The following TMEM8B variants were observed in gnomAD, a reference collection of about 807,000 sequenced individuals.
TMEM8B encodes the protein transmembrane protein 8B, also known as nasopharyngeal carcinoma expressed 6.
Under a neutral mutation model 49.3 loss-of-function variants are expected in TMEM8B, and 29 were observed. The ratio of observed to expected loss-of-function variants is 0.59; its 90% CI spans 0.44 to 0.80. The LOEUF (loss-of-function observed/expected upper bound fraction) is 0.80. Among genes scored for constraint, TMEM8B ranks in the 30% least tolerant of loss-of-function variants. The pLI is 0.00. For missense variants in TMEM8B, 575 were observed against 658.5 expected (o/e 0.87, Z 1.39); for synonymous variants, 264 against 272.8 (o/e 0.97, Z 0.32).
Position 35,846,313 on chromosome 9 carries a change from G to T in TMEM8B, c.1785G>T (p.Leu595=). 2.5e-6 allele frequency: 4 copies of T among 1,614,210 alleles called. No homozygotes were observed. The highest frequency in any genetic ancestry group is 3.4e-6 in the Non-Finnish European group (4 of 1,180,048). The change falls in exon 8 of 13, where the codon CTG becomes CTT. Residue 595 remains leucine (L), a synonymous_variant. Transcript: ENST00000643932. The stretch of plus-strand genomic sequence containing the variant: ...GTGCCACCACCAGGGTTGCCAGGCT[G>T]CGAATCCCATTCCCGCAGACGGGGA... ...SVSATTRVAR[L]RIPFPQTGTW...
rs1187330203 is a variant in TMEM8B at position 35,841,321 on chromosome 9, A to T, written c.1040+54A>T. 4.8e-6 allele frequency: 2 copies of T among 416,646 alleles called. No homozygotes were observed. The highest frequency in any genetic ancestry group is 8.8e-6 in the Non-Finnish European group (2 of 227,248). 25.8% of individuals were successfully genotyped at this position (416,646 alleles called of 1,614,324 possible). On this transcript the variant is annotated intron_variant, in intron 4 of 12. Transcript: ENST00000643932. This position sits in a 1 kb window ranked among gnomAD's most constrained non-coding sequence, Gnocchi z 5.9. ...CTTTCCCTCTTCTGTGGCCTCATAC[A>T]GGCTGCAGGGTTCTCTCTTGGCTTC... is the stretch of plus-strand genomic sequence containing the variant.
At position 35,842,579 on chromosome 9, in the gene TMEM8B, C is replaced by T. The variant is rs1051470701; in HGVS notation, c.1497C>T (p.Asp499=). ...PVRPTLRNEL[D]TFSVHFYIFF... is the part of the protein sequence containing the mutation. ...GCCCGACTCTGCGCAACGAGCTGGACACCTTCTCTGTCCACTTCTACATCT... is the reference window on the plus strand; with the variant it reads ...GCCCGACTCTGCGCAACGAGCTGGATACCTTCTCTGTCCACTTCTACATCT... Residue 499 remains aspartate (D), a synonymous_variant, in exon 6 of 13, where the codon GAC becomes GAT. Coordinates refer to ENST00000643932, the MANE Select transcript of TMEM8B (RefSeq NM_001042590.4). The surrounding 1 kb of genome is among the most constrained non-coding windows in gnomAD (Gnocchi z 5.6). The T allele has an allele frequency of 1.9e-6, 3 of 1,614,242 alleles. No individual in the cohort carries two copies. The highest frequency in any genetic ancestry group is 2.5e-6 in the Non-Finnish European group (3 of 1,180,044).
intron 10 of TMEM8B, among the ~76,000 whole-genome samples, chr9:35,851,653 A>G (rs759480960): frequency 7.9e-5 from 12 of 152,188 alleles, no homozygotes; most frequent in Non-Finnish European, 1.6e-4. Context: ...TTTACCTCCA[A>G]AGTGAAGGAA....
chr9:35,841,547 T>G lies in TMEM8B; in HGVS notation c.1062T>G (p.Thr354=), dbSNP rs1009178867. The part of the protein sequence containing the change: ...ALYKVFVPSF[T]YRVSAQLVCV... ...CCAGGGTCTTTGTGCCCAGCTTCACTTACAGGGTTTCAGCACAGCTGGTGT... is the reference window on the plus strand; with the variant it reads ...CCAGGGTCTTTGTGCCCAGCTTCACGTACAGGGTTTCAGCACAGCTGGTGT... The change falls in exon 5 of 13, where the codon ACT becomes ACG. Residue 354 remains threonine, a synonymous_variant. Coordinates refer to ENST00000643932, the MANE Select transcript of TMEM8B (RefSeq NM_001042590.4). The surrounding 1 kb of genome is among the most constrained non-coding windows in gnomAD (Gnocchi z 5.9). 2 of 416,960 alleles carry G rather than the reference T, an allele frequency of 4.8e-6. No homozygotes were observed. Among genetic ancestry groups the G allele is most frequent in the African/African-American group, 4.1e-5 (2 of 48,716 alleles). 25.8% of individuals were successfully genotyped at this position (416,960 alleles called of 1,614,324 possible).
chr9:35,842,503 C>T lies in TMEM8B; in HGVS notation c.1421C>T (p.Pro474Leu), dbSNP rs774058946. The change falls in exon 6 of 13, where the codon CCT (proline) becomes CTT (leucine). Residue 474 changes from proline to leucine, a missense_variant. Pro to Leu is a moderately conservative substitution (Grantham distance 98). Coordinates refer to ENST00000643932, the MANE Select transcript of TMEM8B (RefSeq NM_001042590.4). The surrounding 1 kb of genome is among the most constrained non-coding windows in gnomAD (Gnocchi z 5.6). The stretch of plus-strand genomic sequence containing the variant: ...CCAGAACCGCCATCCCTTGGAACCC[C>T]TGCGGAGGGGCCTGGGACCACGTCC... ...LPPEPPSLGT[P>L]AEGPGTTSPP... The T allele has an allele frequency of 6.2e-7, 1 of 1,611,356 alleles. No individual in the cohort carries two copies. Among genetic ancestry groups the T allele is most frequent in the African/African-American group, 1.3e-5 (1 of 74,910 alleles).
Position 35,863,720 on chromosome 9 carries a change from G to A in TMEM8B, c.*9880G>A, listed in dbSNP as rs975126487. ...CTGTGGGACGTCACCAGTTGTTATG[G>A]CTGGGGAAGGACACACTGGAGGCTC... is the stretch of plus-strand genomic sequence containing the variant. On this transcript the variant is annotated 3_prime_UTR_variant, in exon 13 of 13. Transcript: ENST00000643932. The A allele has an allele frequency of 6.6e-6, 1 of 152,226 alleles. No homozygotes were observed. The highest frequency in any genetic ancestry group is 1.5e-5 in the Non-Finnish European group (1 of 68,062). The allele number at this position is 152,226 out of a possible 1,614,324, so 9.4% of individuals were successfully genotyped here.
chr9:35,848,069 G>A (rs1434723638), intron 10 of TMEM8B, among the ~76,000 whole-genome samples: 1 of 152,202 alleles, frequency 6.6e-6, no homozygotes, highest in Non-Finnish European at 1.5e-5. Context: ...GCATTACTAG[G>A]TCAGACATAT....
Position 35,853,227 on chromosome 9 carries a change from C to T in TMEM8B, c.2409C>T (p.Leu803=), listed in dbSNP as rs1832314095. 1.2e-6 allele frequency: 2 copies of T among 1,613,974 alleles called. No homozygotes were observed. The highest frequency in any genetic ancestry group is 2.2e-5 in the East Asian group (1 of 44,892). ...TCTGGAACCTGCTTGGACCCAGTCT[C>T]TTCGCCCTGGGGATCTTGGCCACAG... is the stretch of plus-strand genomic sequence containing the variant. ...HGLWNLLGPS[L]FALGILATAW... Residue 803 remains leucine (L), a synonymous_variant, in exon 12 of 13, where the codon CTC becomes CTT. Transcript: ENST00000643932. This position sits in a 1 kb window ranked among gnomAD's most constrained non-coding sequence, Gnocchi z 4.2.
intron 6 of TMEM8B, among the ~76,000 whole-genome samples, chr9:35,843,728 T>C (rs1005313752): frequency 2.6e-5 from 4 of 152,202 alleles, no homozygotes; most frequent in Non-Finnish European, 5.9e-5. Context: ...ATAAAAACTT[T>C]GGAAAATAGG....
At chr9:35,835,674 T>A (rs1830380557) in intron 3 of TMEM8B, among the ~76,000 whole-genome samples, 1 of 152,224 alleles carries the variant, frequency 6.6e-6, no homozygotes, top group South Asian at 2.1e-4. Flanking sequence ...GGAGAATGTA[T>A]TCCTCTTGCA....
Position 35,854,083 on chromosome 9 carries a change from TC to T in TMEM8B, c.*246del. 8.2e-7 allele frequency: 1 copy of T among 1,223,882 alleles called. No individual in the cohort carries two copies. The highest frequency in any genetic ancestry group is 1.0e-6 in the Non-Finnish European group (1 of 974,640). 75.8% of individuals were successfully genotyped at this position (1,223,882 alleles called of 1,614,324 possible). ...GACTGGAGCCTATGCAGGCACAGAGTCCCTCAGGACCAAGGAGTCCCTCCTG... is the reference window on the plus strand; with the variant it reads ...GACTGGAGCCTATGCAGGCACAGAGTCCTCAGGACCAAGGAGTCCCTCCTG... On this transcript the variant is annotated 3_prime_UTR_variant, in exon 13 of 13. Coordinates refer to ENST00000643932, the MANE Select transcript of TMEM8B (RefSeq NM_001042590.4).
chr9:35,846,526 A>G lies in TMEM8B; in HGVS notation c.1911A>G (p.Pro637=), dbSNP rs751666201. The part of the protein sequence containing the change: ...AEVRMRTFLS[P]CVDDCGPYGQ... The stretch of plus-strand genomic sequence containing the variant: ...TGCGGATGCGCACCTTCCTGTCCCC[A>G]TGCGTGGACGACTGCGGGCCCTACG... Residue 637 remains proline, a synonymous_variant, in exon 9 of 13, where the codon CCA becomes CCG. Coordinates refer to ENST00000643932, the MANE Select transcript of TMEM8B (RefSeq NM_001042590.4). 2.5e-6 allele frequency: 4 copies of G among 1,588,200 alleles called. No individual in the cohort carries two copies. The highest frequency in any genetic ancestry group is 2.6e-6 in the Non-Finnish European group (3 of 1,167,252).
At chr9:35,852,055 C>G (rs577620964) in intron 10 of TMEM8B, among the ~76,000 whole-genome samples, 1 of 152,294 alleles carries the variant, frequency 6.6e-6, no homozygotes, top group East Asian at 1.9e-4. Flanking sequence ...ACAATCTGGA[C>G]ATGGGTTGGA....
chr9:35,840,848 G>A (rs1299409887), intron 3 of TMEM8B, among the ~76,000 whole-genome samples: 1 of 152,152 alleles, frequency 6.6e-6, no homozygotes, highest in African/African-American at 2.4e-5. Context: ...ATTGGGAGAA[G>A]GGGCAAGCCA....
Position 35,835,264 on chromosome 9 carries a change from A to G in TMEM8B, c.906+46A>G, listed in dbSNP as rs111712280. On this transcript the variant is annotated intron_variant, in intron 3 of 12. Coordinates refer to ENST00000643932, the MANE Select transcript of TMEM8B (RefSeq NM_001042590.4). Reference sequence around the variant, plus strand: ...CTCGGGGGTCCAGAACTGCCCTTCCATCTCTGCTGAATTCCCCCCACAGGC... The same window carrying G: ...CTCGGGGGTCCAGAACTGCCCTTCCGTCTCTGCTGAATTCCCCCCACAGGC... 9.7e-5 allele frequency: 40 copies of G among 413,446 alleles called. 1 individual carries two copies. Among genetic ancestry groups the G allele is most frequent in the African/African-American group, 4.5e-4 (22 of 48,788 alleles). 25.6% of individuals were successfully genotyped at this position (413,446 alleles called of 1,614,324 possible).
chr9:35,848,336 A>G (rs1831813367), intron 10 of TMEM8B, among the ~76,000 whole-genome samples: 1 of 152,130 alleles, frequency 6.6e-6, no homozygotes, highest in African/African-American at 2.4e-5. Flanking sequence ...TCTCTTTCGT[A>G]TTGCCAGATG....
intron 10 of TMEM8B, among the ~76,000 whole-genome samples, chr9:35,848,044 C>T (rs951860038): frequency 1.3e-5 from 2 of 152,200 alleles, no homozygotes; most frequent in Non-Finnish European, 2.9e-5. Context: ...GCAAGACAGG[C>T]CTTCCTGGCA....
chr9:35,847,616 C>CA (rs1423729991), intron 10 of TMEM8B, among the ~76,000 whole-genome samples: 1 of 152,196 alleles, frequency 6.6e-6, no homozygotes, highest in African/African-American at 2.4e-5. Flanking sequence ...ATCTGACTCT[C>CA]AGAGTCCTGA....
rs748640951 is a variant in TMEM8B, at chr9:35,853,174, A to C, written c.2356A>C (p.Met786Leu). The change falls in exon 12 of 13, where the codon ATG becomes CTG. Residue 786 changes from methionine to leucine, a missense_variant. Physicochemically the swap from Met to Leu is conservative, Grantham distance 15 (BLOSUM62 2). Coordinates refer to ENST00000643932, the MANE Select transcript of TMEM8B (RefSeq NM_001042590.4). This position sits in a 1 kb window ranked among gnomAD's most constrained non-coding sequence, Gnocchi z 4.2. ...LYLLGAMLLS[M>L]ALQLDRHGLW... is the part of the protein sequence containing the mutation. The stretch of plus-strand genomic sequence containing the variant: ...TTTGCTGGGAGCTATGCTGCTGTCC[A>C]TGGCTCTGCAGCTTGACCGACATGG... The C allele has an allele frequency of 1.2e-6, 2 of 1,614,038 alleles. No homozygotes were observed. The highest frequency in any genetic ancestry group is 4.5e-5 in the East Asian group (2 of 44,874).
Sources: allele counts gnomAD v4.1 joint callset (sites outside exome capture counted in the v4.1 genomes callset), GRCh38; gene constraint gnomAD v4.1.1; non-coding constraint Gnocchi (gnomAD v3.1); transcripts MANE v1.5; gene names NCBI Gene and HGNC (gene_info 2026-07-23, HGNC 2026-07-21).